DIS3L2: variants seen among roughly 807,000 people sequenced by gnomAD.
The protein encoded by DIS3L2 is DIS3-like exonuclease 2.
In DIS3L2, 34 loss-of-function variants were observed where a neutral mutation model predicts 97.5. The observed-to-expected ratio is 0.35, with a 90% confidence interval of 0.27 to 0.46. The LOEUF is 0.46. Among genes scored for constraint, DIS3L2 ranks in the 20% least tolerant of loss-of-function variants. The pLI is 1.00. For synonymous variants in DIS3L2, 435 were observed against 445.2 expected, an observed-to-expected ratio of 0.98 and a Z score of 0.29; for missense variants, 1,038 against 1,146.0, an observed-to-expected ratio of 0.91 and a Z score of 1.36.
At chr2:232,217,280 G>A (rs1181100766) in intron 10 of DIS3L2, among the ~76,000 whole-genome samples, 1 of 152,166 alleles carries the variant, frequency 6.6e-6, no homozygotes, top group Non-Finnish European at 1.5e-5. Context: ...GAGTGGTGAA[G>A]GAGATAGTCT....
chr2:232,217,640 A>G (rs1238338465), intron 10 of DIS3L2, among the ~76,000 whole-genome samples: 4 of 152,188 alleles, frequency 2.6e-5, no homozygotes, highest in Non-Finnish European at 5.9e-5. Context: ...AGAGTGGCTC[A>G]CGGAAAACTC....
chr2:232,327,732 T>C (rs1274611966), intron 14 of DIS3L2, among the ~76,000 whole-genome samples: 1 of 152,100 alleles, frequency 6.6e-6, no homozygotes, highest in Non-Finnish European at 1.5e-5. Flanking sequence ...GAACACAGAT[T>C]GATGGCAGGG....
At chr2:232,219,890 A>C (rs1692444640) in intron 10 of DIS3L2, among the ~76,000 whole-genome samples, 2 of 152,288 alleles carry the variant, frequency 1.3e-5, no homozygotes, top group South Asian at 2.1e-4. Context: ...ACATGGTAGT[A>C]AAACAAAATT....
intron 14 of DIS3L2, among the ~76,000 whole-genome samples, chr2:232,323,173 C>T (rs1210335363): frequency 6.6e-6 from 1 of 152,238 alleles, no homozygotes; most frequent in Non-Finnish European, 1.5e-5. Context: ...TGACCACGCT[C>T]TGCAAGACCA....
At chr2:231,965,042 G>A (rs1559498477) in intron 1 of DIS3L2, among the ~76,000 whole-genome samples, 1 of 152,130 alleles carries the variant, frequency 6.6e-6, no homozygotes, top group Non-Finnish European at 1.5e-5. Context: ...CTTGATTTGT[G>A]ACCTATTTCT....
intron 12 of DIS3L2, among the ~76,000 whole-genome samples, chr2:232,251,671 T>C (rs1693420816): frequency 6.6e-6 from 1 of 152,146 alleles, no homozygotes. Context: ...TTCAGAACAC[T>C]GTGGACAAAG....
At chr2:232,146,924 A>G (rs983479546) in intron 8 of DIS3L2, among the ~76,000 whole-genome samples, 9 of 152,288 alleles carry the variant, frequency 5.9e-5, no homozygotes, top group African/African-American at 1.9e-4. Context: ...CCTCTCTCAA[A>G]TAATTAACAC....
At chr2:232,239,308 A>G (rs1438094270) in intron 11 of DIS3L2, among the ~76,000 whole-genome samples, 1 of 152,222 alleles carries the variant, frequency 6.6e-6, no homozygotes, top group Non-Finnish European at 1.5e-5. Flanking sequence ...ATAGGTAACC[A>G]TGAGAATCCA....
chr2:232,023,114 GC>G (rs1451189619), intron 3 of DIS3L2: 2 of 152,186 alleles, frequency 1.3e-5, no homozygotes, highest in African/African-American at 4.8e-5. Context: ...CTCTTCTGGT[GC>G]CCTCGCTGTG....
chr2:232,336,693 C>T lies in DIS3L2; in HGVS notation c.*63C>T, dbSNP rs1332852401. 42 of 1,555,916 alleles carry T rather than the reference C, an allele frequency of 2.7e-5. No individual in the cohort carries two copies. The highest frequency in any genetic ancestry group is 3.5e-5 in the Non-Finnish European group (40 of 1,159,018). On this transcript the variant is annotated 3_prime_UTR_variant, in exon 21 of 21. Transcript: ENST00000325385. ...TGTCCCGCCACACTGGCTTTAGGAC[C>T]TGTTGACACGGAGGGGGGTTTTTAA...
intron 5 of DIS3L2, among the ~76,000 whole-genome samples, chr2:232,051,279 G>C (rs1403950336): frequency 6.6e-6 from 1 of 152,174 alleles, no homozygotes; most frequent in African/African-American, 2.4e-5. Context: ...TGTCTGACAA[G>C]TAGTAGGTAC....
At chr2:231,965,461 T>C (rs1692683015) in intron 1 of DIS3L2, among the ~76,000 whole-genome samples, 1 of 152,066 alleles carries the variant, frequency 6.6e-6, no homozygotes. Context: ...TTTTTTTTTT[T>C]TGAGTTTAAT....
At chr2:232,339,919 A>G (rs1330197689), downstream of DIS3L2, among the ~76,000 whole-genome samples, 2 of 152,196 alleles carry the variant, frequency 1.3e-5, no homozygotes, top group Non-Finnish European at 2.9e-5. Flanking sequence ...AAGGAGAGCC[A>G]GGAACAGGCC....
In DIS3L2 at chr2:232,337,040, G is replaced by A. The variant is rs921234294; in HGVS notation, c.*410G>A. The A allele has an allele frequency of 4.2e-5, 45 of 1,065,632 alleles. No homozygotes were observed. In the African/African-American group the frequency reaches 7.3e-4, roughly 17 times the overall value. 66.0% of individuals were successfully genotyped at this position (1,065,632 alleles called of 1,614,324 possible). A position where few individuals can be genotyped will look rare whatever the true frequency, so the allele number is the denominator to read the frequency against. On this transcript the variant is annotated 3_prime_UTR_variant, in exon 21 of 21. Coordinates refer to ENST00000325385, the MANE Select transcript of DIS3L2 (RefSeq NM_152383.5). ...AGAATGCCCCTTGCACCCAGGGCAA[G>A]GGACCCAGTTCAGGCTTCACCCCTC... is the stretch of plus-strand genomic sequence containing the variant.
At chr2:232,209,776 A>C (rs944586879) in intron 9 of DIS3L2, among the ~76,000 whole-genome samples, 5 of 152,210 alleles carry the variant, frequency 3.3e-5, no homozygotes, top group African/African-American at 1.2e-4. Context: ...ATATTGTGCA[A>C]AGATAAATGG....
chr2:232,236,552 A>G (rs763273210), intron 10 of DIS3L2, among the ~76,000 whole-genome samples: 9 of 152,080 alleles, frequency 5.9e-5, no homozygotes, highest in Non-Finnish European at 1.0e-4. Context: ...TGTAGCATAG[A>G]TGTTTCCTGG....
chr2:232,110,453 T>C (rs1697493109), intron 6 of DIS3L2, among the ~76,000 whole-genome samples: 1 of 152,164 alleles, frequency 6.6e-6, no homozygotes, highest in Non-Finnish European at 1.5e-5. Context: ...TAAATGCCCA[T>C]CAGTGACAGT....
intron 5 of DIS3L2, among the ~76,000 whole-genome samples, chr2:232,074,571 C>CTTTTT (rs66518544): frequency 9.6e-6 from 1 of 104,160 alleles, no homozygotes; most frequent in African/African-American, 3.7e-5. Flanking sequence ...ATCAAGGAAC[C>CTTTTT]TTTTTTTTTT....
intron 7 of DIS3L2, chr2:232,131,239 C>G (rs1385837581): frequency 6.6e-6 from 1 of 151,822 alleles, no homozygotes; most frequent in Non-Finnish European, 1.5e-5. Context: ...CACTTGTATT[C>G]TTTAATTATA....
Sources: allele counts gnomAD v4.1 joint callset (sites outside exome capture counted in the v4.1 genomes callset), GRCh38; gene constraint gnomAD v4.1.1; transcripts MANE v1.5; gene names NCBI Gene and HGNC (gene_info 2026-07-23, HGNC 2026-07-21).